Variants in KCTD15 observed in about 807,000 individuals in gnomAD.
KCTD15 encodes the protein potassium channel tetramerization domain containing 15, also known as BTB/POZ domain-containing protein KCTD15.
In KCTD15, 11 loss-of-function variants were observed where a neutral mutation model predicts 27.2. The observed-to-expected ratio is 0.41, with a 90% CI of 0.25 to 0.67. KCTD15 has a LOEUF of 0.67. Ranked by LOEUF, KCTD15 falls within the 30% of genes least tolerant of loss-of-function variation. The pLI, the probability that KCTD15 is intolerant of heterozygous loss-of-function variation, is 0.35. For missense variants in KCTD15, 350 were observed against 409.3 expected, an observed-to-expected ratio of 0.86 and a Z score of 1.25; for synonymous variants, 163 against 176.0, an observed-to-expected ratio of 0.93 and a Z score of 0.58.
chr19:33,801,588 C>G (rs1975548676), intron 4 of KCTD15: 1 of 404,672 alleles, frequency 2.5e-6, no homozygotes, highest in Non-Finnish European at 4.4e-6. Context: ...AGCTCCTGAC[C>G]CACCTGCAGG....
chr19:33,794,585 A>G (rs372684799), upstream of KCTD15, among the ~76,000 whole-genome samples: 156 of 152,294 alleles, frequency 1.0e-3, 1 homozygote, highest in African/African-American at 3.6e-3. Flanking sequence ...CTCATCCTCC[A>G]ACACAAGCCT....
chr19:33,813,207 T>C lies in KCTD15; in HGVS notation c.*259T>C, dbSNP rs1975986005. The C allele has an allele frequency of 7.9e-6, 5 of 631,604 alleles. No individual in the cohort carries two copies. The highest frequency in any genetic ancestry group is 2.5e-4 in the Middle Eastern group (1 of 3,994). The allele number at this position is 631,604 out of a possible 1,614,324, so 39.1% of individuals were successfully genotyped here. A position where few individuals can be genotyped will look rare whatever the true frequency, so the allele number is the denominator to read the frequency against. Reference sequence around the variant, plus strand: ...CTGCCAGCTCTCCCAGCCCCTCAGCTTCGCAGCCTGGCGCAGCATCCTCTG... The same window carrying C: ...CTGCCAGCTCTCCCAGCCCCTCAGCCTCGCAGCCTGGCGCAGCATCCTCTG... On this transcript the variant is annotated 3_prime_UTR_variant, in exon 7 of 7. Coordinates refer to ENST00000683859, the MANE Select transcript of KCTD15 (RefSeq NM_001129994.2).
chr19:33,805,455 G>T (rs1041413457), intron 4 of KCTD15, among the ~76,000 whole-genome samples: 1 of 152,214 alleles, frequency 6.6e-6, no homozygotes, highest in Non-Finnish European at 1.5e-5. Flanking sequence ...CCTGGAGACG[G>T]CTGACTTGGA....
chr19:33,811,763 C>G, intron 6 of KCTD15: 10 of 1,552,394 alleles, frequency 6.4e-6, no homozygotes, highest in Non-Finnish European at 7.9e-6. Context: ...AAAAATCGAT[C>G]TGTACTTTTT....
chr19:33,795,097 G>T (rs748117003), upstream of KCTD15, among the ~76,000 whole-genome samples: 1 of 152,216 alleles, frequency 6.6e-6, no homozygotes, highest in Non-Finnish European at 1.5e-5. Flanking sequence ...GAAATTAACT[G>T]ATGGGGCCTG....
chr19:33,804,092 T>C (rs1480111439), intron 4 of KCTD15, among the ~76,000 whole-genome samples: 3 of 152,186 alleles, frequency 2.0e-5, no homozygotes, highest in African/African-American at 4.8e-5. Flanking sequence ...TGGGAACTCA[T>C]ACCTGCAGGG....
intron 4 of KCTD15, 91 bp downstream of exon 4, chr19:33,801,433 T>A: frequency 2.6e-6 from 3 of 1,144,844 alleles, no homozygotes; most frequent in Non-Finnish European, 3.6e-6. Context: ...CTCCCCACTG[T>A]CACTCCACCC....
intron 4 of KCTD15, among the ~76,000 whole-genome samples, chr19:33,806,018 A>G (rs977104507): frequency 6.6e-6 from 1 of 152,194 alleles, no homozygotes; most frequent in Admixed American, 6.5e-5. Flanking sequence ...CCCATCCGCC[A>G]CCACTAGGTG....
chr19:33,795,726 G>A (rs1347979689), upstream of KCTD15, among the ~76,000 whole-genome samples: 1 of 152,144 alleles, frequency 6.6e-6, no homozygotes, highest in Non-Finnish European at 1.5e-5. Flanking sequence ...AGAAAAGGAG[G>A]AAGGGGCGGC....
At chr19:33,799,572 C>G (rs1407459634) in intron 2 of KCTD15, 2 of 152,278 alleles carry the variant, frequency 1.3e-5, no homozygotes, top group South Asian at 2.1e-4. Context: ...CTTCCAGGGA[C>G]TGAGGGACAA....
At chr19:33,811,591 G>T in intron 6 of KCTD15, 39 bp downstream of exon 6, 2 of 1,571,788 alleles carry the variant, frequency 1.3e-6, no homozygotes, top group East Asian at 2.3e-5. Context: ...CCGCACCCCC[G>T]GCGTCCGCGG....
upstream of KCTD15, among the ~76,000 whole-genome samples, chr19:33,795,667 G>A (rs187845213): frequency 6.0e-3 from 916 of 152,216 alleles, 3 homozygotes; most frequent in Middle Eastern, 0.01. Flanking sequence ...CACGGGCGGG[G>A]CGCAAAGGAA....
At chr19:33,803,169 G>C (rs1400485051) in intron 4 of KCTD15, among the ~76,000 whole-genome samples, 2 of 152,216 alleles carry the variant, frequency 1.3e-5, no homozygotes, top group African/African-American at 4.8e-5. Flanking sequence ...ATGGCCTCTG[G>C]CTGCTGTGGG....
chr19:33,807,546 ACAC>A (rs1383184513), intron 5 of KCTD15, among the ~76,000 whole-genome samples: 1 of 152,198 alleles, frequency 6.6e-6, no homozygotes, highest in Non-Finnish European at 1.5e-5. Context: ...AGATGGTGAA[ACAC>A]CGTCTCTGCT....
intron 4 of KCTD15, among the ~76,000 whole-genome samples, chr19:33,804,686 C>T (rs190197568): frequency 8.5e-5 from 13 of 152,348 alleles, no homozygotes; most frequent in Non-Finnish European, 1.8e-4. Flanking sequence ...TGGATGCCCA[C>T]GCTCTACTAG....
intron 4 of KCTD15, 140 bp downstream of exon 4, chr19:33,801,482 G>A: frequency 1.4e-6 from 1 of 696,292 alleles, no homozygotes; most frequent in Non-Finnish European, 2.3e-6. Context: ...CACAGCCTGA[G>A]GGAGCTAGGG....
At chr19:33,809,445 G>C (rs892351887) in intron 5 of KCTD15, among the ~76,000 whole-genome samples, 3 of 152,188 alleles carry the variant, frequency 2.0e-5, no homozygotes, top group Non-Finnish European at 4.4e-5. Context: ...TTGGTAAGTT[G>C]AGGCCCGGGG....
intron 4 of KCTD15, among the ~76,000 whole-genome samples, chr19:33,806,055 G>A (rs537521399): frequency 6.6e-6 from 1 of 152,386 alleles, no homozygotes; most frequent in Admixed American, 6.5e-5. Flanking sequence ...TGGCATGTGT[G>A]CACATATGTA....
chr19:33,798,436 C>G (rs1205042757), intron 1 of KCTD15: 1 of 149,344 alleles, frequency 6.7e-6, no homozygotes, highest in Non-Finnish European at 1.5e-5. Flanking sequence ...TCTGCTCGGG[C>G]GGGCGGGGCT....
Sources: gnomAD v4.1 joint callset for allele counts (sites outside exome capture counted in the v4.1 genomes callset) on GRCh38, gnomAD v4.1.1 for gene constraint, MANE v1.5 for transcripts, NCBI Gene and HGNC (gene_info 2026-07-23, HGNC 2026-07-21) for gene names.